The following WAC variants were observed in gnomAD, a reference collection of about 807,000 sequenced individuals.
WAC encodes the protein WW domain containing adaptor with coiled-coil.
WAC carries 11 observed loss-of-function variants against 79.6 expected under a neutral mutation model. The ratio of observed to expected loss-of-function variants is 0.14; its 90% CI spans 0.09 to 0.23. The LOEUF (loss-of-function observed/expected upper bound fraction) is 0.23. Among genes scored for constraint, WAC ranks in the 10% least tolerant of loss-of-function variants. WAC has a pLI of 1.00. For synonymous variants in WAC, 304 were observed against 276.9 expected (o/e 1.10, Z -0.97); for missense variants, 728 against 773.5 (o/e 0.94, Z 0.70).
intron 1 of WAC, 175 bp downstream of exon 1, chr10:28,533,795 G>A: frequency 1.0e-6 from 1 of 993,300 alleles, no homozygotes; most frequent in Non-Finnish European, 1.5e-6. Context: ...GTGTGGCGGG[G>A]AGCGGGGGCC....
intron 3 of WAC, among the ~76,000 whole-genome samples, chr10:28,539,949 C>G (rs918450221): frequency 2.0e-5 from 3 of 152,056 alleles, no homozygotes; most frequent in Non-Finnish European, 4.4e-5. Context: ...ATAAAAGTTA[C>G]TATTAACATT....
chr10:28,536,040 A>C (rs908745277), intron 3 of WAC: 3 of 192,116 alleles, frequency 1.6e-5, no homozygotes, highest in Non-Finnish European at 3.2e-5. Flanking sequence ...TCAGGAGTTC[A>C]AGACCAGCCT....
intron 9 of WAC, 154 bp from the exon 10 acceptor site, chr10:28,611,620 G>C: frequency 8.0e-7 from 1 of 1,243,614 alleles, no homozygotes; most frequent in Non-Finnish European, 1.1e-6. Flanking sequence ...GAGAAGGTCA[G>C]ATTCTGATTT....
intron 7 of WAC, among the ~76,000 whole-genome samples, chr10:28,604,454 C>A (rs564715718): frequency 1.3e-5 from 2 of 151,896 alleles, no homozygotes; most frequent in Non-Finnish European, 2.9e-5. Flanking sequence ...CAACAAGGCC[C>A]GGCGTGGTGG....
intron 3 of WAC, among the ~76,000 whole-genome samples, chr10:28,547,892 A>G (rs1589136173): frequency 2.1e-5 from 3 of 145,080 alleles, no homozygotes; most frequent in Admixed American, 6.9e-5. Context: ...TTTTAATTAC[A>G]TTTTAATTTT....
Position 28,533,139 on chromosome 10 carries a change from T to G in WAC, c.-441T>G, listed in dbSNP as rs1468323995. ...GTCCGAGTTGCCCGGATGTAGTTGG[T>G]GGAGCGGCAGCGGCGGCACCAGCGG... On this transcript the variant is annotated 5_prime_UTR_variant, in exon 1 of 14. Transcript: ENST00000354911. The G allele has an allele frequency of 1.8e-5, 3 of 164,474 alleles. No individual in the cohort carries two copies. Among genetic ancestry groups the G allele is most frequent in the Non-Finnish European group, 2.6e-5 (2 of 77,006 alleles). The allele number at this position is 164,474 out of a possible 1,614,324, so 10.2% of individuals were successfully genotyped here.
chr10:28,573,825 TTA>T (rs1839102884), intron 3 of WAC, among the ~76,000 whole-genome samples: 1 of 152,144 alleles, frequency 6.6e-6, no homozygotes, highest in Non-Finnish European at 1.5e-5. Context: ...TTTAGAATAT[TTA>T]TATCACTTAC....
At chr10:28,563,519 G>T (rs1350294282) in intron 3 of WAC, among the ~76,000 whole-genome samples, 1 of 152,070 alleles carries the variant, frequency 6.6e-6, no homozygotes, top group Non-Finnish European at 1.5e-5. Flanking sequence ...ACATGTTTTA[G>T]ATTTGTGGCA....
In WAC at chr10:28,622,455, A is replaced by G. The variant is rs974012052; in HGVS notation, c.*2849A>G. ...CCCCCCCCCCCCCCCGTTTTAAAAG[A>G]TCAGTAGTCTCTATTCAAACTTTTA... is the stretch of plus-strand genomic sequence containing the variant. On this transcript the variant is annotated 3_prime_UTR_variant, in exon 14 of 14. Transcript: ENST00000354911. 1.4e-5 allele frequency: 1 copy of G among 69,448 alleles called. No individual in the cohort carries two copies. The highest frequency in any genetic ancestry group is 5.0e-5 in the African/African-American group (1 of 19,850). 4.3% of individuals were successfully genotyped at this position (69,448 alleles called of 1,614,324 possible). A position where few individuals can be genotyped will look rare whatever the true frequency, so the allele number is the denominator to read the frequency against.
chr10:28,612,056 T>A, intron 10 of WAC, 134 bp downstream of exon 10: 1 of 1,092,554 alleles, frequency 9.2e-7, no homozygotes, highest in Non-Finnish European at 1.3e-6. Context: ...GGTATGATAG[T>A]AGATGCAGCC....
chr10:28,613,685 T>A (rs1231315144), intron 10 of WAC, among the ~76,000 whole-genome samples: 1 of 152,196 alleles, frequency 6.6e-6, no homozygotes. Flanking sequence ...CATTCCAGAT[T>A]TGTTAGGGAG....
chr10:28,601,279 A>T (rs577679067), intron 7 of WAC, among the ~76,000 whole-genome samples: 1 of 152,168 alleles, frequency 6.6e-6, no homozygotes, highest in East Asian at 1.9e-4. Flanking sequence ...TGCAAAGAAG[A>T]TATCCTGGTG....
chr10:28,558,303 T>G (rs939614619), intron 3 of WAC, among the ~76,000 whole-genome samples: 4 of 152,168 alleles, frequency 2.6e-5, no homozygotes, highest in African/African-American at 7.2e-5. Context: ...AATCAGACCT[T>G]AAGCAGTTAG....
chr10:28,575,138 A>G (rs1012554160), intron 3 of WAC, among the ~76,000 whole-genome samples: 7 of 152,122 alleles, frequency 4.6e-5, no homozygotes, highest in African/African-American at 1.7e-4. Context: ...AGTTGGGTAC[A>G]TTTGCAGATT....
chr10:28,620,339 T>C lies in WAC; in HGVS notation c.*733T>C, dbSNP rs1423456597. ...AGTGATTGAGCATAACCTACTTGTT[T>C]GTATAAATTATTGAAATCCATTTGC... On this transcript the variant is annotated 3_prime_UTR_variant, in exon 14 of 14. Transcript: ENST00000354911. The C allele has an allele frequency of 6.9e-6, 1 of 145,252 alleles. No homozygotes were observed. Among genetic ancestry groups the C allele is most frequent in the Non-Finnish European group, 1.5e-5 (1 of 66,794 alleles). The allele number at this position is 145,252 out of a possible 1,614,324, so 9.0% of individuals were successfully genotyped here. A position where few individuals can be genotyped will look rare whatever the true frequency, so the allele number is the denominator to read the frequency against.
intron 6 of WAC, among the ~76,000 whole-genome samples, chr10:28,593,577 G>C (rs111535200): frequency 6.6e-6 from 1 of 151,726 alleles, no homozygotes; most frequent in African/African-American, 2.4e-5. Flanking sequence ...AGACCAGCCC[G>C]GCCAATGTGG....
chr10:28,567,019 T>C (rs1389474281), intron 3 of WAC, among the ~76,000 whole-genome samples: 1 of 151,832 alleles, frequency 6.6e-6, no homozygotes, highest in African/African-American at 2.4e-5. Flanking sequence ...GGGCATCTTA[T>C]CTCTAAGTAC....
At chr10:28,592,258 C>G (rs1028377625) in intron 6 of WAC, among the ~76,000 whole-genome samples, 1 of 152,158 alleles carries the variant, frequency 6.6e-6, no homozygotes, top group Non-Finnish European at 1.5e-5. Flanking sequence ...AGGTTTTCCT[C>G]TAGACATAAA....
At chr10:28,578,174 A>T (rs574944262) in intron 3 of WAC, among the ~76,000 whole-genome samples, 1 of 152,224 alleles carries the variant, frequency 6.6e-6, no homozygotes, top group African/African-American at 2.4e-5. Context: ...AACAAAACAA[A>T]AAAATTTAAA....
Sources: gnomAD v4.1 joint callset for allele counts (sites outside exome capture counted in the v4.1 genomes callset) on GRCh38, gnomAD v4.1.1 for gene constraint, MANE v1.5 for transcripts, NCBI Gene and HGNC (gene_info 2026-07-23, HGNC 2026-07-21) for gene names.